The following SNTB1 variants were observed in gnomAD, a reference collection of about 807,000 sequenced individuals.
The protein encoded by SNTB1 is beta-1-syntrophin.
In SNTB1, 36 loss-of-function variants were observed where a neutral mutation model predicts 48.9. That is an observed-to-expected ratio of 0.74 (90% CI 0.56 to 0.97). The LOEUF (loss-of-function observed/expected upper bound fraction) is 0.97. SNTB1 is among the 50% of genes least tolerant of loss of function. The pLI is 0.00. For missense variants in SNTB1, 786 were observed against 703.4 expected, an observed-to-expected ratio of 1.12 and a Z score of -1.33; for synonymous variants, 299 against 294.6, an observed-to-expected ratio of 1.01 and a Z score of -0.15.
At chr8:120,710,389 A>G (rs932927320) in intron 1 of SNTB1, among the ~76,000 whole-genome samples, 7 of 152,180 alleles carry the variant, frequency 4.6e-5, no homozygotes, top group Admixed American at 1.3e-4. Flanking sequence ...TAGCTGCACA[A>G]ATGGCTATGA....
chr8:120,606,495 A>G (rs1816522481), intron 3 of SNTB1, among the ~76,000 whole-genome samples: 1 of 151,794 alleles, frequency 6.6e-6, no homozygotes, highest in South Asian at 2.1e-4. Context: ...GCTTTTTAGT[A>G]AAGAAGACAA....
intron 2 of SNTB1, among the ~76,000 whole-genome samples, chr8:120,661,055 G>T (rs972464947): frequency 6.6e-6 from 1 of 152,074 alleles, no homozygotes; most frequent in Non-Finnish European, 1.5e-5. Context: ...CACCATAATA[G>T]ATACAAAATA....
chr8:120,662,800 C>G (rs1817611939), intron 2 of SNTB1, among the ~76,000 whole-genome samples: 1 of 152,072 alleles, frequency 6.6e-6, no homozygotes, highest in Admixed American at 6.5e-5. Context: ...AATGTACCTT[C>G]TACAAAAACA....
chr8:120,571,246 G>C, intron 4 of SNTB1: 1 of 1,273,384 alleles, frequency 7.9e-7, no homozygotes, highest in Non-Finnish European at 1.0e-6. Context: ...ATCATTTCAA[G>C]ATGCTTGGGT....
chr8:120,707,472 A>G (rs1818396478), intron 1 of SNTB1, among the ~76,000 whole-genome samples: 1 of 152,210 alleles, frequency 6.6e-6, no homozygotes, highest in Non-Finnish European at 1.5e-5. Flanking sequence ...TTAAGGTTCT[A>G]TCAGAGTCAG....
chr8:120,637,867 T>G (rs970030002), intron 2 of SNTB1: 1 of 232,270 alleles, frequency 4.3e-6, no homozygotes, highest in Non-Finnish European at 9.3e-6. Flanking sequence ...TCTTATTTCT[T>G]CTTTTAATTT....
chr8:120,713,223 A>G (rs1322668748), intron 1 of SNTB1, among the ~76,000 whole-genome samples: 1 of 152,156 alleles, frequency 6.6e-6, no homozygotes, highest in African/African-American at 2.4e-5. Context: ...GAATATTTTT[A>G]AAAATTCAGG....
chr8:120,703,011 G>A (rs1587101100), intron 1 of SNTB1, among the ~76,000 whole-genome samples: 2 of 152,184 alleles, frequency 1.3e-5, no homozygotes, highest in African/African-American at 4.8e-5. Flanking sequence ...ACTCATTACT[G>A]TCAGAAAAAA....
At chr8:120,652,295 G>A (rs1229818798) in intron 2 of SNTB1, among the ~76,000 whole-genome samples, 1 of 152,122 alleles carries the variant, frequency 6.6e-6, no homozygotes, top group Non-Finnish European at 1.5e-5. Context: ...GAGGGTTGTA[G>A]GTGTGAAACA....
At chr8:120,780,828 T>C (rs1191490942) in intron 1 of SNTB1, among the ~76,000 whole-genome samples, 1 of 152,244 alleles carries the variant, frequency 6.6e-6, no homozygotes, top group Non-Finnish European at 1.5e-5. Flanking sequence ...AGAAATGAGC[T>C]ATCAGGGTAG....
At chr8:120,634,339 T>A (rs1817037636) in intron 2 of SNTB1, among the ~76,000 whole-genome samples, 1 of 152,194 alleles carries the variant, frequency 6.6e-6, no homozygotes, top group Non-Finnish European at 1.5e-5. Flanking sequence ...GGCAAACTTT[T>A]AAATCATTTT....
chr8:120,551,348 C>T (rs1815476766), intron 4 of SNTB1, among the ~76,000 whole-genome samples: 1 of 151,712 alleles, frequency 6.6e-6, no homozygotes, highest in African/African-American at 2.4e-5. Context: ...AATTAAATAG[C>T]TCACCCTGCC....
chr8:120,772,486 A>T (rs1384470903), intron 1 of SNTB1, among the ~76,000 whole-genome samples: 3 of 152,264 alleles, frequency 2.0e-5, no homozygotes, highest in Non-Finnish European at 4.4e-5. Flanking sequence ...ACCTCAAGTG[A>T]TCCACCCACC....
intron 1 of SNTB1, among the ~76,000 whole-genome samples, chr8:120,782,465 C>T (rs1218215440): frequency 6.6e-6 from 1 of 152,020 alleles, no homozygotes; most frequent in Admixed American, 6.6e-5. Context: ...TGAAATACAA[C>T]ATTTATTGGT....
At chr8:120,682,142 C>T (rs1335135481) in intron 2 of SNTB1, among the ~76,000 whole-genome samples, 1 of 151,706 alleles carries the variant, frequency 6.6e-6, no homozygotes, top group African/African-American at 2.4e-5. Flanking sequence ...AAAAACCTTA[C>T]AACATCAATC....
intron 3 of SNTB1, among the ~76,000 whole-genome samples, chr8:120,622,718 C>T (rs1224578427): frequency 6.6e-6 from 1 of 152,162 alleles, no homozygotes; most frequent in Admixed American, 6.5e-5. Context: ...TTAAGTCTGT[C>T]CCACCTAAAG....
intron 3 of SNTB1, among the ~76,000 whole-genome samples, chr8:120,584,736 G>A (rs1816109918): frequency 1.3e-5 from 2 of 152,172 alleles, no homozygotes; most frequent in South Asian, 4.2e-4. Context: ...TAGGGTCGTC[G>A]CAGATGTAAT....
intron 1 of SNTB1, among the ~76,000 whole-genome samples, chr8:120,711,791 A>C (rs533241344): frequency 6.6e-6 from 1 of 152,318 alleles, no homozygotes; most frequent in Non-Finnish European, 1.5e-5. Flanking sequence ...GCTATCAATT[A>C]TAACAGGAGC....
At chr8:120,601,814 C>T (rs74441097) in intron 3 of SNTB1, among the ~76,000 whole-genome samples, 2,006 of 152,292 alleles carry the variant, frequency 0.013, 45 homozygotes, top group African/African-American at 0.046. Flanking sequence ...CTACAAGACG[C>T]GCATGCCAAC....
Sources: gnomAD v4.1 joint callset for allele counts (sites outside exome capture counted in the v4.1 genomes callset) on GRCh38, gnomAD v4.1.1 for gene constraint, MANE v1.5 for transcripts, NCBI Gene and HGNC (gene_info 2026-07-23, HGNC 2026-07-21) for gene names.